PALMD: variants seen among roughly 807,000 people sequenced by gnomAD.
PALMD encodes paralemmin-like protein.
Under a neutral mutation model 56.2 loss-of-function variants are expected in PALMD, and 42 were observed. The observed-to-expected ratio is 0.75, with a 90% CI of 0.58 to 0.97. The LOEUF (loss-of-function observed/expected upper bound fraction) is 0.97, where lower values mean the gene tolerates loss of function less well. Ranked by LOEUF, PALMD falls within the 50% of genes least tolerant of loss-of-function variation. The pLI is 0.00. For synonymous variants in PALMD, 242 were observed against 222.9 expected (o/e 1.09, Z -0.76); for missense variants, 660 against 643.8 (o/e 1.03, Z -0.27).
chr1:99,692,949 G>C (rs546799499), intron 7 of PALMD, among the ~76,000 whole-genome samples: 5 of 152,302 alleles, frequency 3.3e-5, no homozygotes, highest in Non-Finnish European at 7.3e-5. Flanking sequence ...AGTTTCAAGG[G>C]AAATAATGCT....
chr1:99,648,064 G>A (rs1444736937), intron 1 of PALMD, among the ~76,000 whole-genome samples: 2 of 152,140 alleles, frequency 1.3e-5, no homozygotes, highest in South Asian at 2.1e-4. Context: ...CTTTTTTGAT[G>A]ATTAAAAAAA....
Position 99,689,866 on chromosome 1 carries a change from T to G in PALMD, c.1606T>G (p.Leu536Val), listed in dbSNP as rs199794075. The stretch of plus-strand genomic sequence containing the variant: ...TGGAGATGGGACTGAGGATCCATCC[T>G]TAACAGGTAATAAAAATGACAAGGC... ...TTGDGTEDPS[L>V]TALRMRMAKL... is the part of the protein sequence containing the mutation. The change falls in exon 7 of 8, where the codon TTA becomes GTA. Residue 536 changes from leucine (L) to valine (V), a missense_variant. Leu to Val is a conservative substitution (Grantham distance 32). Transcript: ENST00000263174. 1.8e-5 allele frequency: 28 copies of G among 1,595,940 alleles called. No homozygotes were observed. Among genetic ancestry groups the G allele is most frequent in the Non-Finnish European group, 2.2e-5 (26 of 1,174,920 alleles).
intron 1 of PALMD, among the ~76,000 whole-genome samples, chr1:99,649,249 A>G (rs1652513068): frequency 6.6e-6 from 1 of 152,194 alleles, no homozygotes; most frequent in African/African-American, 2.4e-5. Flanking sequence ...TTTCAACTAT[A>G]ATTTAAACAC....
intron 7 of PALMD, among the ~76,000 whole-genome samples, 157 bp from the exon 8 acceptor site, chr1:99,693,862 T>C (rs12130813): frequency 0.13 from 19,331 of 152,218 alleles, 1,845 homozygotes; most frequent in African/African-American, 0.28. Context: ...TAGCTTATTA[T>C]TTCTACTATC....
At chr1:99,657,625 A>G (rs1159662845) in intron 1 of PALMD, among the ~76,000 whole-genome samples, 2 of 152,166 alleles carry the variant, frequency 1.3e-5, no homozygotes, top group Non-Finnish European at 2.9e-5. Context: ...CTTCCCCTGA[A>G]AACTTTTTAT....
chr1:99,652,701 A>G (rs1306105991), intron 1 of PALMD, among the ~76,000 whole-genome samples: 3 of 92,434 alleles, frequency 3.2e-5, no homozygotes, highest in African/African-American at 1.2e-4. Context: ...AAAGGAAAAG[A>G]AAAGAAAAGA....
chr1:99,660,170 T>C (rs750305941), intron 1 of PALMD, among the ~76,000 whole-genome samples: 1 of 152,188 alleles, frequency 6.6e-6, no homozygotes, highest in Non-Finnish European at 1.5e-5. Context: ...TCACACTCAG[T>C]GCTTGTTGTC....
intron 6 of PALMD, 151 bp from the exon 7 acceptor site, chr1:99,688,624 A>G (rs187660677): frequency 2.8e-5 from 16 of 564,278 alleles, no homozygotes; most frequent in Middle Eastern, 9.4e-4. Flanking sequence ...TGATATCATT[A>G]ATGAGTAAAA....
In PALMD at chr1:99,694,299, G is replaced by A. The variant is rs1653728271; in HGVS notation, c.*237G>A. 1.1e-5 allele frequency: 4 copies of A among 370,938 alleles called. No homozygotes were observed. Among genetic ancestry groups the A allele is most frequent in the Non-Finnish European group, 2.0e-5 (4 of 202,436 alleles). The allele number at this position is 370,938 out of a possible 1,614,324, so 23.0% of individuals were successfully genotyped here. ...GACACGATTCAGTGGGGGAAAACCA[G>A]CATTTTTTATTCTATTGATACCAAA... On this transcript the variant is annotated 3_prime_UTR_variant, in exon 8 of 8. Coordinates refer to ENST00000263174, the MANE Select transcript of PALMD (RefSeq NM_017734.5).
At chr1:99,657,952 A>G (rs1427905823) in intron 1 of PALMD, among the ~76,000 whole-genome samples, 1 of 152,104 alleles carries the variant, frequency 6.6e-6, no homozygotes, top group African/African-American at 2.4e-5. Flanking sequence ...TCTCCCCTCA[A>G]CCTGCATCAT....
chr1:99,667,965 A>T, intron 3 of PALMD, 199 bp downstream of exon 3: 1 of 473,990 alleles, frequency 2.1e-6, no homozygotes, highest in Non-Finnish European at 3.8e-6. Context: ...GGCAACTTCC[A>T]CTCCCAGGGC....
intron 3 of PALMD, among the ~76,000 whole-genome samples, chr1:99,677,165 A>G (rs1653234990): frequency 6.6e-6 from 1 of 152,164 alleles, no homozygotes. Flanking sequence ...TTAACCACTG[A>G]GAGCAAAGAC....
intron 3 of PALMD, among the ~76,000 whole-genome samples, chr1:99,678,508 C>T (rs1165649253): frequency 6.6e-6 from 1 of 152,088 alleles, no homozygotes; most frequent in Non-Finnish European, 1.5e-5. Flanking sequence ...TTAGTGAATA[C>T]TACTATTATT....
rs115839199 is a variant in PALMD, at chr1:99,647,842, G to A, written c.45+1480G>A. Among the ~76,000 whole-genome samples, 928 of 152,270 alleles carry A rather than the reference G, an allele frequency of 6.1e-3. 10 individuals are homozygous for A. The highest frequency in any genetic ancestry group is 7.6e-3 in the Non-Finnish European group (514 of 68,026). ...CTGAATTTGCCTCTTTCAGTTGGGG[G>A]ACACCCTCGCTCAAGCCCTTTTTCC... On this transcript the variant is annotated intron_variant, in intron 1 of 7. Transcript: ENST00000263174.
At chr1:99,671,830 A>G (rs777132411) in intron 3 of PALMD, among the ~76,000 whole-genome samples, 6 of 152,174 alleles carry the variant, frequency 3.9e-5, no homozygotes, top group Non-Finnish European at 7.3e-5. Flanking sequence ...AGATGAGAAA[A>G]ATTGACACTT....
At chr1:99,649,169 C>A (rs1415980812) in intron 1 of PALMD, among the ~76,000 whole-genome samples, 4 of 152,154 alleles carry the variant, frequency 2.6e-5, no homozygotes, top group African/African-American at 9.7e-5. Context: ...TTCCTTAATA[C>A]TTTATCCATG....
At chr1:99,673,423 C>T (rs1413053149) in intron 3 of PALMD, among the ~76,000 whole-genome samples, 2 of 151,836 alleles carry the variant, frequency 1.3e-5, no homozygotes, top group Non-Finnish European at 2.9e-5. Context: ...TACCCTAACC[C>T]GTATCTAATA....
intron 7 of PALMD, 86 bp from the exon 8 acceptor site, chr1:99,693,933 A>C: frequency 2.3e-6 from 2 of 884,502 alleles, no homozygotes; most frequent in South Asian, 3.0e-5. Context: ...GTATGTTCTA[A>C]ACTTTCCTGC....
At position 99,693,868 on chromosome 1, in the gene PALMD, C is replaced by T. The variant is rs1653718982; in HGVS notation, c.1613-151C>T. Reference sequence around the variant, plus strand: ...AGTTAACCATAGCTTATTATTTCTACTATCTTTTTGTGCTACTAAATCAAT... The same window carrying T: ...AGTTAACCATAGCTTATTATTTCTATTATCTTTTTGTGCTACTAAATCAAT... On this transcript the variant is annotated intron_variant, in intron 7 of 7. Coordinates refer to ENST00000263174, the MANE Select transcript of PALMD (RefSeq NM_017734.5). 4 of 618,968 alleles carry T rather than the reference C, an allele frequency of 6.5e-6. No homozygotes were observed. The East Asian group carries it at 1.2e-4, about 18-fold the overall frequency. The allele number at this position is 618,968 out of a possible 1,614,324, so 38.3% of individuals were successfully genotyped here. A position where few individuals can be genotyped will look rare whatever the true frequency, so the allele number is the denominator to read the frequency against.
Sources: allele counts gnomAD v4.1 joint callset (sites outside exome capture counted in the v4.1 genomes callset), GRCh38; gene constraint gnomAD v4.1.1; transcripts MANE v1.5; gene names NCBI Gene and HGNC (gene_info 2026-07-23, HGNC 2026-07-21).